The following CTNNA2 variants were observed in gnomAD, a reference collection of about 807,000 sequenced individuals.
CTNNA2 encodes catenin alpha-2.
In CTNNA2, 42 loss-of-function variants were observed where a neutral mutation model predicts 101.0. The observed-to-expected ratio is 0.42, with a 90% CI of 0.32 to 0.54. The LOEUF is 0.54. Ranked by LOEUF, CTNNA2 falls within the 20% of genes least tolerant of loss-of-function variation. The pLI is 0.14. For synonymous variants in CTNNA2, 450 were observed against 456.4 expected, an observed-to-expected ratio of 0.99 and a Z score of 0.18; for missense variants, 871 against 1,223.1, an observed-to-expected ratio of 0.71 and a Z score of 4.29.
intron 7 of CTNNA2, among the ~76,000 whole-genome samples, chr2:80,289,912 GCAGGAA>G (rs2149176403): frequency 6.6e-6 from 1 of 152,302 alleles, no homozygotes; most frequent in South Asian, 2.1e-4. Flanking sequence ...GTGACCAAGA[GCAGGAA>G]TTTAAATCCC....
Position 79,895,917 on chromosome 2 carries a change from A to T in CTNNA2, c.853-13677A>T, listed in dbSNP as rs537262915. Among the ~76,000 whole-genome samples, 3 of 152,122 alleles carry T rather than the reference A, an allele frequency of 2.0e-5. No individual in the cohort carries two copies. The South Asian group carries it at 6.2e-4, about 32-fold the overall frequency. On this transcript the variant is annotated intron_variant, in intron 6 of 18. Transcript: ENST00000402739. ...TTGTTTGTTGACCCTGGCTTAATCAAATCTTCAGAGGAGATTCTCAGAATT... is the reference window on the plus strand; with the variant it reads ...TTGTTTGTTGACCCTGGCTTAATCATATCTTCAGAGGAGATTCTCAGAATT...
intron 7 of CTNNA2, among the ~76,000 whole-genome samples, chr2:80,253,170 G>A (rs1047277871): frequency 1.3e-5 from 2 of 152,110 alleles, no homozygotes; most frequent in East Asian, 3.9e-4. Flanking sequence ...CAGAGGCCAG[G>A]TACCTGGTTC....
At chr2:80,537,435 T>C (rs1051712033) in intron 9 of CTNNA2, among the ~76,000 whole-genome samples, 1 of 152,208 alleles carries the variant, frequency 6.6e-6, no homozygotes, top group Non-Finnish European at 1.5e-5. Flanking sequence ...TTTGGGTATA[T>C]ACCCAGTAAT....
intron 7 of CTNNA2, among the ~76,000 whole-genome samples, chr2:80,096,079 C>T (rs572919522): frequency 0.03 from 4,474 of 151,624 alleles, 63 homozygotes; most frequent in Middle Eastern, 0.068. Flanking sequence ...TTCTCTAGTT[C>T]TTTTAATTGT....
intron 3 of CTNNA2, among the ~76,000 whole-genome samples, chr2:79,848,837 C>A (rs936769131): frequency 1.3e-5 from 2 of 152,124 alleles, no homozygotes; most frequent in Non-Finnish European, 2.9e-5. Flanking sequence ...GTCACAGAAC[C>A]ATGTGGCTAT....
intron 4 of CTNNA2, among the ~76,000 whole-genome samples, chr2:79,452,437 C>T (rs781533463): frequency 6.6e-6 from 1 of 151,022 alleles, no homozygotes; most frequent in African/African-American, 2.4e-5. Context: ...TCCTGCAAAG[C>T]ATCTACACAT....
intron 4 of CTNNA2, among the ~76,000 whole-genome samples, chr2:79,401,179 C>G (rs1168972947): frequency 1.3e-5 from 2 of 151,650 alleles, no homozygotes; most frequent in Non-Finnish European, 3.0e-5. Flanking sequence ...ATATGCCATT[C>G]CCCATAATGT....
At chr2:79,824,996 C>A (rs1307908334) in intron 3 of CTNNA2, among the ~76,000 whole-genome samples, 1 of 152,100 alleles carries the variant, frequency 6.6e-6, no homozygotes, top group Non-Finnish European at 1.5e-5. Flanking sequence ...TCAGCACAAA[C>A]CTTGGCAACA....
At chr2:80,633,765 C>G (rs1406549046) in intron 18 of CTNNA2, among the ~76,000 whole-genome samples, 1 of 152,112 alleles carries the variant, frequency 6.6e-6, no homozygotes, top group East Asian at 1.9e-4. Flanking sequence ...ATTAAGGCAC[C>G]AGCACTATAC....
rs911555173 is a variant in CTNNA2, at chr2:79,377,032, C to T, written c.-135+3019C>T. Among the ~76,000 whole-genome samples, 15 of 150,722 alleles carry T rather than the reference C, an allele frequency of 1.0e-4. 1 individual carries two copies. Among genetic ancestry groups the T allele is most frequent in the African/African-American group, 3.7e-4 (15 of 41,062 alleles). ...GGGATGGCTGGGTCAAATGGTATTT[C>T]TAGTTCTAGCTCCCTGAGGAATCGC... is the stretch of plus-strand genomic sequence containing the variant. On this transcript the variant is annotated intron_variant, in intron 4 of 21. Transcript: ENST00000466387.
At chr2:79,376,947 C>T (rs557256813) in intron 4 of CTNNA2, among the ~76,000 whole-genome samples, 65 of 152,226 alleles carry the variant, frequency 4.3e-4, no homozygotes, top group African/African-American at 1.4e-3. Context: ...AGTAATCATA[C>T]GTGTGCGTGT....
intron 3 of CTNNA2, among the ~76,000 whole-genome samples, chr2:79,348,495 T>G (rs1294445928): frequency 1.3e-5 from 2 of 152,142 alleles, no homozygotes; most frequent in Non-Finnish European, 2.9e-5. Context: ...CCAGAGATAT[T>G]CTGGGGGCGA....
chr2:80,203,569 G>T (rs571590361), intron 7 of CTNNA2, among the ~76,000 whole-genome samples: 1 of 152,340 alleles, frequency 6.6e-6, no homozygotes, highest in South Asian at 2.1e-4. Context: ...CAAGTGGTAG[G>T]TTCCTATAGT....
intron 7 of CTNNA2, among the ~76,000 whole-genome samples, chr2:79,951,939 A>G (rs1442462901): frequency 1.3e-5 from 2 of 152,050 alleles, no homozygotes; most frequent in African/African-American, 4.8e-5. Context: ...GCACTTCCCC[A>G]GTTAAGTCTG....
intron 3 of CTNNA2, among the ~76,000 whole-genome samples, chr2:79,332,045 C>A (rs527695972): frequency 2.0e-5 from 3 of 152,126 alleles, no homozygotes; most frequent in Non-Finnish European, 2.9e-5. Flanking sequence ...GATCTTCATA[C>A]CACTGGCAAA....
At chr2:79,895,793 GGTTTATCCACC>G (rs1215269965) in intron 6 of CTNNA2, among the ~76,000 whole-genome samples, 1 of 150,576 alleles carries the variant, frequency 6.6e-6, no homozygotes, top group Non-Finnish European at 1.5e-5. Context: ...GTAGGCCCAT[GGTTTATCCACC>G]GACTTAAAAA....
chr2:80,407,199 G>A (rs1679150111), intron 8 of CTNNA2, among the ~76,000 whole-genome samples: 1 of 152,118 alleles, frequency 6.6e-6, no homozygotes, highest in Non-Finnish European at 1.5e-5. Flanking sequence ...AACAAAAGTC[G>A]TTTGGTCAAA....
chr2:79,943,282 G>A lies in CTNNA2; in HGVS notation c.1056+33485G>A, dbSNP rs1688284327. Among the ~76,000 whole-genome samples, 5 of 142,936 alleles carry A rather than the reference G, an allele frequency of 3.5e-5. No individual in the cohort carries two copies. In the South Asian group the frequency reaches 1.1e-3, roughly 33 times the overall value. The allele number at this position is 142,936 out of a possible 152,430, so 93.8% of individuals were successfully genotyped here. ...ACTTTGCAGAAGAGAAAGTTAAAAA[G>A]AAAGTGGATTTTCTAGCAAACTCAC... On this transcript the variant is annotated intron_variant, in intron 7 of 18. Coordinates refer to ENST00000402739, the MANE Select transcript of CTNNA2 (RefSeq NM_001282597.3).
intron 7 of CTNNA2, among the ~76,000 whole-genome samples, chr2:80,023,467 G>GT (rs112927529): frequency 1.1e-4 from 16 of 151,856 alleles, no homozygotes; most frequent in South Asian, 4.2e-4. Context: ...TTCAGGCTCT[G>GT]TTTTTTTTCA....
Sources: gnomAD v4.1 joint callset for allele counts (sites outside exome capture counted in the v4.1 genomes callset) on GRCh38, gnomAD v4.1.1 for gene constraint, MANE v1.5 for transcripts, NCBI Gene and HGNC (gene_info 2026-07-23, HGNC 2026-07-21) for gene names.